The following SLC43A2 variants were observed in gnomAD, a reference collection of about 807,000 sequenced individuals.
SLC43A2 encodes large neutral amino acids transporter small subunit 4.
SLC43A2 carries 38 observed loss-of-function variants against 63.2 expected under a neutral mutation model. The observed-to-expected ratio is 0.60, with a 90% CI of 0.46 to 0.79. The LOEUF (loss-of-function observed/expected upper bound fraction) is 0.79, where lower values mean the gene tolerates loss of function less well. Among genes scored for constraint, SLC43A2 ranks in the 30% least tolerant of loss-of-function variants. The pLI, the probability that SLC43A2 is intolerant of heterozygous loss-of-function variation, is 0.00. For missense variants in SLC43A2, 644 were observed against 756.2 expected (o/e 0.85, Z 1.74); for synonymous variants, 322 against 331.0 (o/e 0.97, Z 0.30).
At chr17:1,612,246 G>A (rs1007222078) in intron 5 of SLC43A2, among the ~76,000 whole-genome samples, 2 of 152,134 alleles carry the variant, frequency 1.3e-5, no homozygotes, top group Non-Finnish European at 2.9e-5. Flanking sequence ...TTTCAGGTGT[G>A]AGCCACCATG....
rs533208838 is a variant in SLC43A2, at chr17:1,627,696, C to A, written c.160+19G>T. ...CCCCAGCTCCAGGAGCCCCCCGCAA[C>A]CCCAGGCGCTTGTCTCACCTGGCTC... On this transcript the variant is annotated intron_variant, in intron 2 of 13. Transcript: ENST00000301335. 15 of 1,126,576 alleles carry A rather than the reference C, an allele frequency of 1.3e-5. No individual in the cohort carries two copies. In the South Asian group the frequency reaches 2.1e-4, roughly 16 times the overall value. The allele number at this position is 1,126,576 out of a possible 1,614,324, so 69.8% of individuals were successfully genotyped here.
At position 1,569,780 on chromosome 17, in the gene SLC43A2, C is replaced by T. The variant is rs964911278; in HGVS notation, c.*5824G>A. On this transcript the variant is annotated 3_prime_UTR_variant, in exon 14 of 14. Transcript: ENST00000301335. ...GCTATTTGGCCAAGTCTTACCAAAA[C>T]GTGAAAGCCACAAAAGAAAAGTGAA... The T allele has an allele frequency of 1.3e-5, 2 of 151,712 alleles. No homozygotes were observed. Among genetic ancestry groups the T allele is most frequent in the African/African-American group, 2.4e-5 (1 of 41,234 alleles). The allele number at this position is 151,712 out of a possible 1,614,324, so 9.4% of individuals were successfully genotyped here.
chr17:1,600,148 A>ATTTTT (rs1567630787), intron 5 of SLC43A2, among the ~76,000 whole-genome samples: 1 of 77,488 alleles, frequency 1.3e-5, no homozygotes, highest in Admixed American at 2.0e-4. Context: ...ATATATATAT[A>ATTTTT]TATATTTTTT....
intron 13 of SLC43A2, among the ~76,000 whole-genome samples, chr17:1,576,300 T>C (rs926172088): frequency 6.6e-6 from 1 of 152,060 alleles, no homozygotes; most frequent in Non-Finnish European, 1.5e-5. Flanking sequence ...GCCAGGCTGG[T>C]CTTGAACTCC....
intron 5 of SLC43A2, among the ~76,000 whole-genome samples, chr17:1,595,618 G>A (rs1219863447): frequency 6.6e-6 from 1 of 152,030 alleles, no homozygotes; most frequent in African/African-American, 2.4e-5. Flanking sequence ...GCTAATTTTT[G>A]TATTGTTAGT....
chr17:1,616,918 G>T, intron 2 of SLC43A2, 149 bp from the exon 3 acceptor site: 1 of 820,522 alleles, frequency 1.2e-6, no homozygotes, highest in Non-Finnish European at 1.9e-6. Flanking sequence ...CCCGCAGCAG[G>T]CTTGGATGGC....
chr17:1,625,346 C>A (rs1431399078), intron 2 of SLC43A2, among the ~76,000 whole-genome samples: 1 of 152,188 alleles, frequency 6.6e-6, no homozygotes, highest in Non-Finnish European at 1.5e-5. Context: ...GTTCTAAGAA[C>A]CTTTCAACAG....
At chr17:1,614,440 C>CAAA (rs996775365) in intron 4 of SLC43A2, among the ~76,000 whole-genome samples, 40 of 131,012 alleles carry the variant, frequency 3.1e-4, no homozygotes, top group Non-Finnish European at 5.3e-4. Flanking sequence ...ACAACAACAA[C>CAAA]AAAAAAACAA....
At chr17:1,604,768 C>T in intron 5 of SLC43A2, 1 of 1,535,838 alleles carries the variant, frequency 6.5e-7, no homozygotes, top group Non-Finnish European at 8.7e-7. Flanking sequence ...GCTGACCTCC[C>T]CATGGTCCAG....
intron 5 of SLC43A2, among the ~76,000 whole-genome samples, chr17:1,612,368 T>C (rs895494318): frequency 6.6e-6 from 1 of 152,240 alleles, no homozygotes. Context: ...AGGGGGTGCT[T>C]AGTACCCCGA....
In SLC43A2 at chr17:1,606,649, G is replaced by T. The variant is rs79136251; in HGVS notation, c.501+6546C>A. ...AGCCGCCGGCCGTGTTTGTGCTCCA[G>T]CCGATGAAGCGAGTGCAAAGGGCTG... On this transcript the variant is annotated intron_variant, in intron 5 of 13. Coordinates refer to ENST00000301335, the MANE Select transcript of SLC43A2 (RefSeq NM_152346.3). The surrounding 1 kb of genome is among the most constrained non-coding windows in gnomAD (Gnocchi z 4.7). Among the ~76,000 whole-genome samples, 1 of 152,246 alleles carries T rather than the reference G, an allele frequency of 6.6e-6. No individual in the cohort carries two copies. Among genetic ancestry groups the T allele is most frequent in the Non-Finnish European group, 1.5e-5 (1 of 68,044 alleles).
chr17:1,587,263 C>T (rs1189509140), intron 9 of SLC43A2, among the ~76,000 whole-genome samples: 6 of 152,292 alleles, frequency 3.9e-5, no homozygotes, highest in East Asian at 1.9e-4. Flanking sequence ...AGGCCTGTGA[C>T]GTTGGCGGGT....
At chr17:1,616,938 C>G (rs557888277) in intron 2 of SLC43A2, among the ~76,000 whole-genome samples, 169 bp from the exon 3 acceptor site, 1 of 152,346 alleles carries the variant, frequency 6.6e-6, no homozygotes, top group East Asian at 1.9e-4. Flanking sequence ...CCATTTGGCC[C>G]AAGTCCCCTG....
intron 9 of SLC43A2, chr17:1,586,928 T>TTCCC: frequency 1.1e-5 from 13 of 1,232,910 alleles, no homozygotes; most frequent in Admixed American, 4.5e-5. Context: ...TCCCTGACAA[T>TTCCC]CCCCCCCACC....
At chr17:1,621,947 G>A (rs1908199608) in intron 2 of SLC43A2, among the ~76,000 whole-genome samples, 2 of 152,224 alleles carry the variant, frequency 1.3e-5, no homozygotes, top group South Asian at 2.1e-4. Flanking sequence ...CCTGAATATC[G>A]CTTGGTGGGA....
At chr17:1,599,997 T>C (rs1332009003) in intron 5 of SLC43A2, among the ~76,000 whole-genome samples, 1 of 138,250 alleles carries the variant, frequency 7.2e-6, no homozygotes, top group African/African-American at 2.7e-5. Context: ...TGAGCTGAGA[T>C]TGCGCCACTG....
intron 5 of SLC43A2, among the ~76,000 whole-genome samples, chr17:1,598,363 G>A (rs1047483482): frequency 2.6e-5 from 4 of 151,700 alleles, no homozygotes; most frequent in Admixed American, 6.6e-5. Flanking sequence ...AGAGGTTGCA[G>A]TGAGCCGAGA....
intron 2 of SLC43A2, among the ~76,000 whole-genome samples, chr17:1,621,692 G>A (rs1270266876): frequency 6.6e-6 from 1 of 152,152 alleles, no homozygotes; most frequent in African/African-American, 2.4e-5. Context: ...TATTCCCCAC[G>A]AGGATACTGT....
Position 1,576,688 on chromosome 17 carries a change from C to G in SLC43A2, c.1457G>C (p.Gly486Ala). The part of the protein sequence containing the change: ...YPSTQFGSLT[G>A]LQSLISALFA... ...GAGCGCGCTGATCAGAGACTGCAGT[C>G]CCGTGAGGCTGCCGAACTGGGTGGA... The change falls in exon 13 of 14, where the codon GGA becomes GCA. Residue 486 changes from glycine to alanine, a missense_variant. Gly to Ala is a moderately conservative substitution (Grantham distance 60). Transcript: ENST00000301335. 1.2e-6 allele frequency: 2 copies of G among 1,610,992 alleles called. No homozygotes were observed. Among genetic ancestry groups the G allele is most frequent in the Non-Finnish European group, 1.7e-6 (2 of 1,179,920 alleles).
Sources: gnomAD v4.1 joint callset for allele counts (sites outside exome capture counted in the v4.1 genomes callset) on GRCh38, gnomAD v4.1.1 for gene constraint, Gnocchi (gnomAD v3.1) non-coding constraint, MANE v1.5 for transcripts, NCBI Gene and HGNC (gene_info 2026-07-23, HGNC 2026-07-21) for gene names.